The following CASZ1 variants were observed in gnomAD, a reference collection of about 807,000 sequenced individuals.
The protein encoded by CASZ1 is zinc finger protein castor homolog 1.
A neutral mutation model predicts 135.2 loss-of-function variants in CASZ1; 28 were observed. That is an observed-to-expected ratio of 0.21 (90% CI 0.15 to 0.28). The LOEUF (loss-of-function observed/expected upper bound fraction) is 0.28. CASZ1 is among the 10% of genes least tolerant of loss of function. The pLI, the probability that CASZ1 is intolerant of heterozygous loss-of-function variation, is 1.00. For synonymous variants in CASZ1, 1,068 were observed against 1,073.4 expected (o/e 0.99, Z 0.10); for missense variants, 2,161 against 2,453.3 (o/e 0.88, Z 2.52).
chr1:10,653,328 C>T (rs1180485879), intron 11 of CASZ1, 49 bp downstream of exon 11: 1 of 1,597,294 alleles, frequency 6.3e-7, no homozygotes, highest in Admixed American at 1.7e-5. Flanking sequence ...CAGGTGGCCA[C>T]CCCAGTCCAG....
rs531297147 is a variant in CASZ1 at position 10,726,484 on chromosome 1, C to T, written c.-76-20940G>A. On this transcript the variant is annotated intron_variant, in intron 2 of 20. Coordinates refer to ENST00000377022, the MANE Select transcript of CASZ1 (RefSeq NM_001079843.3). The surrounding 1 kb of genome is among the most constrained non-coding windows in gnomAD (Gnocchi z 5.7). ...GGGCGGTGTAGTCCTCCAGGCTGGC[C>T]AGGCTGGGGCCGGTGGAGGATGCCA... Among the ~76,000 whole-genome samples the T allele has an allele frequency of 6.6e-6, 1 of 152,322 alleles. No individual in the cohort carries two copies. Among genetic ancestry groups the T allele is most frequent in the South Asian group, 2.1e-4 (1 of 4,828 alleles).
chr1:10,661,580 A>C (rs1395479364), intron 5 of CASZ1, among the ~76,000 whole-genome samples: 2 of 150,080 alleles, frequency 1.3e-5, no homozygotes, highest in Non-Finnish European at 3.0e-5. Flanking sequence ...ATGCATTCTC[A>C]AACACACACA....
At position 10,700,230 on chromosome 1, in the gene CASZ1, A is replaced by C. The variant is rs1282457603; in HGVS notation, c.-24+5262T>G. On this transcript the variant is annotated intron_variant, in intron 3 of 20. Coordinates refer to ENST00000377022, the MANE Select transcript of CASZ1 (RefSeq NM_001079843.3). This position sits in a 1 kb window ranked among gnomAD's most constrained non-coding sequence, Gnocchi z 4.2. The stretch of plus-strand genomic sequence containing the variant: ...GAATGTTGGGTTGGCATTTTGTCTC[A>C]GTTACAATGATCAGCTGCAGAAGAT... Among the ~76,000 whole-genome samples, 2 of 152,168 alleles carry C rather than the reference A, an allele frequency of 1.3e-5. No homozygotes were observed. The highest frequency in any genetic ancestry group is 3.9e-4 in the East Asian group (2 of 5,192).
intron 2 of CASZ1, among the ~76,000 whole-genome samples, chr1:10,753,822 G>A (rs376118985): frequency 6.6e-6 from 1 of 152,158 alleles, no homozygotes; most frequent in African/African-American, 2.4e-5. Context: ...GGTGACAGGT[G>A]GGTCTTGTTT....
intron 11 of CASZ1, 91 bp downstream of exon 11, chr1:10,653,286 A>C (rs747297921): frequency 8.5e-6 from 11 of 1,288,516 alleles, no homozygotes; most frequent in Admixed American, 5.2e-5. Context: ...CTTCTTCCAA[A>C]CACCCCCCGA....
chr1:10,662,563 C>G (rs1484018630), intron 5 of CASZ1, among the ~76,000 whole-genome samples: 1 of 151,874 alleles, frequency 6.6e-6, no homozygotes, highest in Non-Finnish European at 1.5e-5. Flanking sequence ...ACTCTACACA[C>G]CCAGTCATGT....
chr1:10,686,431 T>C (rs1638593670), intron 4 of CASZ1, among the ~76,000 whole-genome samples: 2 of 152,244 alleles, frequency 1.3e-5, no homozygotes, highest in East Asian at 3.9e-4. Flanking sequence ...TCACGCCCCC[T>C]CTCACCTTTC....
rs1324792955 is a variant in CASZ1, at chr1:10,717,336, A to G, written c.-76-11792T>C. Among the ~76,000 whole-genome samples the G allele has an allele frequency of 6.6e-6, 1 of 151,848 alleles. No individual in the cohort carries two copies. Among genetic ancestry groups the G allele is most frequent in the Non-Finnish European group, 1.5e-5 (1 of 67,982 alleles). On this transcript the variant is annotated intron_variant, in intron 2 of 20. Transcript: ENST00000377022. The surrounding 1 kb of genome is among the most constrained non-coding windows in gnomAD (Gnocchi z 4.6). ...GCTTCTCTGCCTTTCTGTCCGATGC[A>G]TCTTTCCTGCCTTGCCGTGCTGGGG...
chr1:10,719,079 AT>A lies in CASZ1; in HGVS notation c.-76-13536del, dbSNP rs994612800. ...AGGCACTCGCCACCACACCTGGCTA[AT>A]TTTTTTTTTACTTTTAGTGGAGGTG... On this transcript the variant is annotated intron_variant, in intron 2 of 20. Transcript: ENST00000377022. This position sits in a 1 kb window ranked among gnomAD's most constrained non-coding sequence, Gnocchi z 4.0. Among the ~76,000 whole-genome samples the A allele has an allele frequency of 3.3e-5, 5 of 149,524 alleles. No individual in the cohort carries two copies. Among genetic ancestry groups the A allele is most frequent in the Non-Finnish European group, 4.5e-5 (3 of 67,156 alleles).
chr1:10,752,299 C>T (rs957032424), intron 2 of CASZ1, among the ~76,000 whole-genome samples: 7 of 152,200 alleles, frequency 4.6e-5, no homozygotes, highest in East Asian at 1.9e-4. Flanking sequence ...ATGCCCTTAG[C>T]GGATGGTCAT....
intron 4 of CASZ1, among the ~76,000 whole-genome samples, chr1:10,678,596 C>T (rs942557637): frequency 1.3e-5 from 2 of 151,930 alleles, no homozygotes; most frequent in African/African-American, 2.4e-5. Flanking sequence ...CGCGCCGGCT[C>T]GCGCAGGGGC....
chr1:10,761,250 C>A (rs890455348), intron 1 of CASZ1, among the ~76,000 whole-genome samples: 1 of 152,230 alleles, frequency 6.6e-6, no homozygotes, highest in South Asian at 2.1e-4. Flanking sequence ...GGAAACAGAT[C>A]AAACCCATGC....
At chr1:10,650,230 C>T (rs1355420983) in intron 13 of CASZ1, 2 of 152,222 alleles carry the variant, frequency 1.3e-5, no homozygotes, top group Non-Finnish European at 2.9e-5. Context: ...TACAAAGACC[C>T]TGCATTATTT....
At chr1:10,789,617 A>G (rs914020193) in intron 1 of CASZ1, among the ~76,000 whole-genome samples, 3 of 151,594 alleles carry the variant, frequency 2.0e-5, no homozygotes, top group Admixed American at 2.0e-4. Context: ...CTTTTCCACC[A>G]AAGACACATA....
intron 2 of CASZ1, among the ~76,000 whole-genome samples, chr1:10,758,636 A>T (rs557299990): frequency 6.6e-6 from 1 of 152,160 alleles, no homozygotes; most frequent in South Asian, 2.1e-4. Context: ...CTGGCCCCAG[A>T]CCCTCTGTAC....
chr1:10,675,225 G>A (rs1643530040), intron 4 of CASZ1, among the ~76,000 whole-genome samples: 1 of 152,234 alleles, frequency 6.6e-6, no homozygotes, highest in Admixed American at 6.5e-5. Context: ...TGTTTGGGGA[G>A]TCGTAGCGCA....
rs1003158782 is a variant in CASZ1 at position 10,687,333 on chromosome 1, G to A, written c.16+6541C>T. Among the ~76,000 whole-genome samples, 7 of 152,224 alleles carry A rather than the reference G, an allele frequency of 4.6e-5. No homozygotes were observed. In the South Asian group the frequency reaches 6.2e-4, roughly 14 times the overall value. ...CAGGCAGTGCCCCAGCCTCAGCCAG[G>A]TGGCATCAAGAGACAGCCCTCTTGG... On this transcript the variant is annotated intron_variant, in intron 4 of 20. Coordinates refer to ENST00000377022, the MANE Select transcript of CASZ1 (RefSeq NM_001079843.3).
intron 4 of CASZ1, among the ~76,000 whole-genome samples, chr1:10,687,567 C>A (rs184474788): frequency 6.6e-6 from 1 of 152,268 alleles, no homozygotes; most frequent in Non-Finnish European, 1.5e-5. Flanking sequence ...TCTGGCCTCA[C>A]TCCCTGCCCT....
At chr1:10,723,080 G>A (rs1164429715) in intron 2 of CASZ1, among the ~76,000 whole-genome samples, 1 of 152,244 alleles carries the variant, frequency 6.6e-6, no homozygotes, top group East Asian at 1.9e-4. Flanking sequence ...GGCGCCAGGA[G>A]CCAGAGGAGG....
Sources: gnomAD v4.1 joint callset for allele counts (sites outside exome capture counted in the v4.1 genomes callset) on GRCh38, gnomAD v4.1.1 for gene constraint, Gnocchi (gnomAD v3.1) non-coding constraint, MANE v1.5 for transcripts, NCBI Gene and HGNC (gene_info 2026-07-23, HGNC 2026-07-21) for gene names.